FHIT: variants seen among roughly 807,000 people sequenced by gnomAD.
The protein encoded by FHIT is fragile histidine triad diadenosine triphosphatase.
FHIT carries 19 observed loss-of-function variants against 17.9 expected under a neutral mutation model. The observed-to-expected ratio is 1.06, with a 90% CI of 0.74 to 1.56. The LOEUF is 1.56. Ranked by LOEUF, FHIT falls within the 40% of genes most tolerant of loss-of-function variation. The pLI is 0.00. For synonymous variants in FHIT, 81 were observed against 69.7 expected, an observed-to-expected ratio of 1.16 and a Z score of -0.81; for missense variants, 248 against 189.2, an observed-to-expected ratio of 1.31 and a Z score of -1.82.
chr3:59,815,645 C>T (rs116332650), intron 8 of FHIT, among the ~76,000 whole-genome samples: 11,737 of 152,060 alleles, frequency 0.077, 584 homozygotes, highest in Non-Finnish European at 0.11. Flanking sequence ...AATGAAAAAC[C>T]GAACACTGTA....
chr3:60,631,425 G>C (rs1553682395), intron 4 of FHIT, among the ~76,000 whole-genome samples: 3 of 152,132 alleles, frequency 2.0e-5, no homozygotes, highest in African/African-American at 7.2e-5. Context: ...CTATTATTCT[G>C]ATTTACATCT....
chr3:60,746,362 C>T (rs1310879223), intron 4 of FHIT, among the ~76,000 whole-genome samples: 1 of 152,198 alleles, frequency 6.6e-6, no homozygotes, highest in East Asian at 1.9e-4. Context: ...AAACGTAACA[C>T]TGGATGAACA....
intron 5 of FHIT, among the ~76,000 whole-genome samples, chr3:60,451,451 G>T (rs2031739373): frequency 6.6e-6 from 1 of 151,962 alleles, no homozygotes; most frequent in Non-Finnish European, 1.5e-5. Flanking sequence ...TCTTGTCTTT[G>T]ACATATTTAA....
chr3:61,113,503 A>G (rs1446133841), intron 2 of FHIT, among the ~76,000 whole-genome samples: 1 of 152,174 alleles, frequency 6.6e-6, no homozygotes, highest in African/African-American at 2.4e-5. Flanking sequence ...TGTAGTAACT[A>G]TCATTTACTT....
At chr3:60,989,685 C>A (rs753695336) in intron 3 of FHIT, among the ~76,000 whole-genome samples, 1 of 152,156 alleles carries the variant, frequency 6.6e-6, no homozygotes, top group East Asian at 1.9e-4. Context: ...AAATTCTGAT[C>A]ATTTTTTGCT....
chr3:60,782,742 A>G (rs1174721933), intron 4 of FHIT, among the ~76,000 whole-genome samples: 3 of 152,158 alleles, frequency 2.0e-5, no homozygotes, highest in African/African-American at 7.2e-5. Context: ...GGAGGCTGGG[A>G]AGTCCAAGGT....
At chr3:61,202,411 G>T (rs556040166) in intron 1 of FHIT, among the ~76,000 whole-genome samples, 1 of 152,078 alleles carries the variant, frequency 6.6e-6, no homozygotes, top group Non-Finnish European at 1.5e-5. Context: ...CTGCCCGGAC[G>T]CTGTGCAACC....
At chr3:60,455,073 T>TA (rs1023761051) in intron 5 of FHIT, among the ~76,000 whole-genome samples, 1 of 152,086 alleles carries the variant, frequency 6.6e-6, no homozygotes, top group African/African-American at 2.4e-5. Flanking sequence ...TCCTTATTTT[T>TA]AAAAAACAAT....
chr3:60,181,544 G>A (rs980799856), intron 5 of FHIT, among the ~76,000 whole-genome samples: 3 of 150,830 alleles, frequency 2.0e-5, no homozygotes, highest in Non-Finnish European at 3.0e-5. Flanking sequence ...TAGGATTCAT[G>A]GCCTGGTCTA....
At position 59,950,435 on chromosome 3, in the gene FHIT, C is replaced by T. The variant is rs1324482530; in HGVS notation, c.280-28021G>A. Among the ~76,000 whole-genome samples the T allele has an allele frequency of 2.6e-5, 4 of 152,146 alleles. No individual in the cohort carries two copies. In the East Asian group the frequency reaches 7.7e-4, roughly 29 times the overall value. Reference sequence around the variant, plus strand: ...CACATGCCAGCCTTGGGCAAATCCCCCTCCTCATCAAAGCCTTTCCATGAC... The same window carrying T: ...CACATGCCAGCCTTGGGCAAATCCCTCTCCTCATCAAAGCCTTTCCATGAC... On this transcript the variant is annotated intron_variant, in intron 7 of 9. Transcript: ENST00000492590.
intron 4 of FHIT, among the ~76,000 whole-genome samples, chr3:60,633,008 G>A (rs145146344): frequency 2.1e-4 from 32 of 152,298 alleles, no homozygotes; most frequent in African/African-American, 7.5e-4. Flanking sequence ...AAAGGGGCAA[G>A]GATGGGAGAG....
intron 3 of FHIT, among the ~76,000 whole-genome samples, chr3:60,929,900 G>T (rs1426911570): frequency 1.3e-5 from 2 of 152,168 alleles, no homozygotes; most frequent in African/African-American, 4.8e-5. Context: ...AGCCTGCATT[G>T]CCAAGTCAAT....
intron 5 of FHIT, among the ~76,000 whole-genome samples, chr3:60,242,892 T>A (rs765498341): frequency 6.6e-6 from 1 of 151,946 alleles, no homozygotes; most frequent in African/African-American, 2.4e-5. Context: ...AGCTTCTCCA[T>A]CTCCTTGCTT....
At chr3:59,984,869 C>A (rs1325474053) in intron 7 of FHIT, among the ~76,000 whole-genome samples, 1 of 152,062 alleles carries the variant, frequency 6.6e-6, no homozygotes, top group Non-Finnish European at 1.5e-5. Flanking sequence ...CTCTTCACAA[C>A]AGCAACTTCA....
At chr3:60,175,919 T>C (rs12635040) in intron 5 of FHIT, among the ~76,000 whole-genome samples, 69,440 of 151,958 alleles carry the variant, frequency 0.46, 16,068 homozygotes, top group East Asian at 0.52. Flanking sequence ...CCTGTGATAA[T>C]AGAACTGTTC....
intron 5 of FHIT, among the ~76,000 whole-genome samples, chr3:60,139,253 G>A (rs984743581): frequency 2.0e-5 from 3 of 152,194 alleles, no homozygotes; most frequent in African/African-American, 7.2e-5. Context: ...CTCAATCACT[G>A]TGTCTACTTC....
rs573072060 is a variant in FHIT, at chr3:60,060,933, G to C, written c.104-46781C>G. ...AACTGCAAATGAAGGTGGGGTAAAT[G>C]TGTGAAGGAGCTAAGATCTAGATAT... On this transcript the variant is annotated intron_variant, in intron 5 of 9. Transcript: ENST00000492590. Among the ~76,000 whole-genome samples, 64 of 152,292 alleles carry C rather than the reference G, an allele frequency of 4.2e-4. 1 individual carries two copies. The Middle Eastern group carries it at 0.01, about 24-fold the overall frequency.
chr3:60,253,322 A>C (rs1020458806), intron 5 of FHIT, among the ~76,000 whole-genome samples: 1 of 152,220 alleles, frequency 6.6e-6, no homozygotes, highest in Non-Finnish European at 1.5e-5. Flanking sequence ...AAATATATGG[A>C]TGGAAAGTAT....
chr3:60,414,818 T>C (rs1467872944), intron 5 of FHIT, among the ~76,000 whole-genome samples: 1 of 152,196 alleles, frequency 6.6e-6, no homozygotes, highest in Non-Finnish European at 1.5e-5. Flanking sequence ...ATCTAAATTA[T>C]AAGTAAAGAA....
Sources: gnomAD v4.1 joint callset for allele counts (sites outside exome capture counted in the v4.1 genomes callset) on GRCh38, gnomAD v4.1.1 for gene constraint, MANE v1.5 for transcripts, NCBI Gene and HGNC (gene_info 2026-07-23, HGNC 2026-07-21) for gene names.